Variants in DLG2 observed in about 807,000 individuals in gnomAD.
The protein encoded by DLG2 is disks large homolog 2.
A neutral mutation model predicts 132.5 loss-of-function variants in DLG2; 45 were observed. That is an observed-to-expected ratio of 0.34 (90% CI 0.27 to 0.44). The LOEUF is 0.44. DLG2 is among the 20% of genes least tolerant of loss of function. DLG2 has a pLI of 1.00. For missense variants in DLG2, 1,045 were observed against 1,196.9 expected (o/e 0.87, Z 1.87); for synonymous variants, 424 against 419.6 (o/e 1.01, Z -0.13).
At chr11:85,500,606 C>T (rs898043119) in intron 3 of DLG2, among the ~76,000 whole-genome samples, 6 of 151,672 alleles carry the variant, frequency 4.0e-5, no homozygotes, top group Admixed American at 6.6e-5. Context: ...TGTAAAATCA[C>T]AAGCATTCCT....
chr11:85,065,262 T>TC (rs1349630927), intron 6 of DLG2, among the ~76,000 whole-genome samples: 2 of 151,556 alleles, frequency 1.3e-5, no homozygotes, highest in African/African-American at 4.8e-5. Context: ...GCTATCTTAA[T>TC]CCCCCATAAA....
At chr11:83,882,489 A>G (rs934659330) in intron 15 of DLG2, among the ~76,000 whole-genome samples, 2 of 152,254 alleles carry the variant, frequency 1.3e-5, no homozygotes, top group African/African-American at 4.8e-5. Context: ...TCCATAGCCA[A>G]AGATACTCAA....
chr11:84,702,849 C>A (rs1197243905), intron 6 of DLG2, among the ~76,000 whole-genome samples: 1 of 151,556 alleles, frequency 6.6e-6, no homozygotes, highest in Non-Finnish European at 1.5e-5. Context: ...TTCATCATTG[C>A]CTTCTCAGAA....
At chr11:83,978,410 T>C (rs1441469989) in intron 12 of DLG2, among the ~76,000 whole-genome samples, 1 of 152,068 alleles carries the variant, frequency 6.6e-6, no homozygotes, top group African/African-American at 2.4e-5. Context: ...ATGTAGAATA[T>C]GGTTATCACA....
intron 19 of DLG2, among the ~76,000 whole-genome samples, chr11:83,630,178 G>A (rs2063321737): frequency 6.6e-6 from 1 of 152,168 alleles, no homozygotes; most frequent in African/African-American, 2.4e-5. Context: ...GAGAGTGCTG[G>A]TTACCACTCC....
intron 7 of DLG2, among the ~76,000 whole-genome samples, chr11:84,401,347 C>T (rs1252381596): frequency 6.6e-6 from 1 of 152,102 alleles, no homozygotes; most frequent in Non-Finnish European, 1.5e-5. Context: ...ACTTATTATA[C>T]TTATTTTTGT....
At chr11:84,929,655 C>T (rs931998494) in intron 6 of DLG2, among the ~76,000 whole-genome samples, 2 of 152,164 alleles carry the variant, frequency 1.3e-5, no homozygotes, top group South Asian at 2.1e-4. Context: ...TATATCAGAA[C>T]GGAATTTCTT....
chr11:85,216,240 A>C (rs1370589857), intron 4 of DLG2, among the ~76,000 whole-genome samples: 2 of 152,220 alleles, frequency 1.3e-5, no homozygotes, highest in African/African-American at 4.8e-5. Context: ...CAGTGGGCTA[A>C]CACAGGATCA....
intron 4 of DLG2, among the ~76,000 whole-genome samples, chr11:85,234,415 A>G (rs1434771177): frequency 6.6e-6 from 1 of 151,882 alleles, no homozygotes; most frequent in East Asian, 1.9e-4. Context: ...CTCTAGGTGT[A>G]GGCTGATGAG....
At chr11:84,643,109 A>G (rs2099670054) in intron 6 of DLG2, among the ~76,000 whole-genome samples, 1 of 152,184 alleles carries the variant, frequency 6.6e-6, no homozygotes, top group South Asian at 2.1e-4. Flanking sequence ...ACACCTGTTA[A>G]TACATTTTAA....
intron 9 of DLG2, among the ~76,000 whole-genome samples, chr11:84,104,321 C>G (rs1467463671): frequency 6.6e-6 from 1 of 151,956 alleles, no homozygotes; most frequent in Non-Finnish European, 1.5e-5. Flanking sequence ...AATGCAGAAA[C>G]AGAAAACCAA....
intron 6 of DLG2, among the ~76,000 whole-genome samples, chr11:85,001,456 A>G (rs149533991): frequency 6.6e-6 from 1 of 152,326 alleles, no homozygotes; most frequent in East Asian, 1.9e-4. Flanking sequence ...AGAAGTCTTT[A>G]CAGACCATGC....
intron 3 of DLG2, among the ~76,000 whole-genome samples, chr11:85,479,938 C>G (rs551245425): frequency 1.8e-4 from 28 of 152,250 alleles, no homozygotes; most frequent in African/African-American, 6.7e-4. Flanking sequence ...TTGTGGCCCA[C>G]CCTAAAGACC....
chr11:83,873,503 T>C (rs1434613797), intron 16 of DLG2, among the ~76,000 whole-genome samples: 1 of 152,180 alleles, frequency 6.6e-6, no homozygotes, highest in Non-Finnish European at 1.5e-5. Context: ...ATTCTCTTTC[T>C]TGCTGCCATG....
At chr11:84,745,294 T>C (rs930487833) in intron 6 of DLG2, among the ~76,000 whole-genome samples, 1 of 152,170 alleles carries the variant, frequency 6.6e-6, no homozygotes, top group African/African-American at 2.4e-5. Flanking sequence ...TTATAAATGG[T>C]TTAGCACCAT....
chr11:84,964,801 GTCTT>G (rs2053095004), intron 6 of DLG2, among the ~76,000 whole-genome samples: 1 of 151,936 alleles, frequency 6.6e-6, no homozygotes, highest in Non-Finnish European at 1.5e-5. Context: ...CCTACCCCAG[GTCTT>G]TCTAATTTTA....
chr11:84,537,800 T>C (rs537231468), intron 6 of DLG2, among the ~76,000 whole-genome samples: 5 of 152,342 alleles, frequency 3.3e-5, no homozygotes, highest in African/African-American at 1.2e-4. Flanking sequence ...TAAGTGTTTG[T>C]TGAATATAGC....
chr11:83,825,369 T>C (rs1014298399), intron 17 of DLG2, among the ~76,000 whole-genome samples: 7 of 151,588 alleles, frequency 4.6e-5, no homozygotes, highest in African/African-American at 1.7e-4. Flanking sequence ...TTAGTAGAGA[T>C]GGGGTTTCTC....
intron 4 of DLG2, among the ~76,000 whole-genome samples, chr11:85,217,990 T>A (rs1240833972): frequency 6.6e-6 from 1 of 152,222 alleles, no homozygotes; most frequent in African/African-American, 2.4e-5. Context: ...AGCTTCAGTT[T>A]TCAGCATATG....
Sources: allele counts gnomAD v4.1 joint callset (sites outside exome capture counted in the v4.1 genomes callset), GRCh38; gene constraint gnomAD v4.1.1; transcripts MANE v1.5; gene names NCBI Gene and HGNC (gene_info 2026-07-23, HGNC 2026-07-21).